The following GRAMD4 variants were observed in gnomAD, a reference collection of about 807,000 sequenced individuals.
GRAMD4 encodes the protein GRAM domain containing 4.
In GRAMD4, 25 loss-of-function variants were observed where a neutral mutation model predicts 83.9. The observed-to-expected ratio is 0.30, with a 90% confidence interval of 0.22 to 0.42. The LOEUF (loss-of-function observed/expected upper bound fraction) is 0.42, where lower values mean the gene tolerates loss of function less well. Among genes scored for constraint, GRAMD4 ranks in the 10% least tolerant of loss-of-function variants. The probability of loss-of-function intolerance (pLI) is 1.00; values close to 1 mark genes in which losing one functional copy is unlikely to be tolerated. For synonymous variants in GRAMD4, 336 were observed against 320.9 expected (o/e 1.05, Z -0.50); for missense variants, 593 against 788.7 (o/e 0.75, Z 2.97).
At chr22:46,595,028 C>T (rs1338578831) in intron 1 of GRAMD4, among the ~76,000 whole-genome samples, 2 of 152,130 alleles carry the variant, frequency 1.3e-5, no homozygotes, top group South Asian at 2.1e-4. Flanking sequence ...CTGTCGTTCC[C>T]GCCTCCTGTG....
chr22:46,633,387 C>A (rs1409409786), intron 2 of GRAMD4, among the ~76,000 whole-genome samples: 2 of 152,244 alleles, frequency 1.3e-5, no homozygotes, highest in African/African-American at 4.8e-5. Context: ...GAGCCCCCCA[C>A]CTAATGAAGG....
chr22:46,641,560 T>C (rs543300778), intron 3 of GRAMD4, among the ~76,000 whole-genome samples: 9 of 152,320 alleles, frequency 5.9e-5, no homozygotes, highest in African/African-American at 2.2e-4. Context: ...CGTCACACTT[T>C]TTGTCCTTGG....
rs1256903317 is a variant in GRAMD4, at chr22:46,678,169, C to T, written c.*918C>T. 5 of 985,438 alleles carry T rather than the reference C, an allele frequency of 5.1e-6. No homozygotes were observed. The highest frequency in any genetic ancestry group is 3.5e-5 in the African/African-American group (2 of 57,242). The allele number at this position is 985,438 out of a possible 1,614,324, so 61.0% of individuals were successfully genotyped here. On this transcript the variant is annotated 3_prime_UTR_variant, in exon 19 of 19. Coordinates refer to ENST00000406902, the MANE Select transcript of GRAMD4 (RefSeq NM_015124.5). ...TGTCTGGCACATGGCCCCCAGGCTGCGGTTGCCTGGGTTGGTTGGGGGAGG... is the reference window on the plus strand; with the variant it reads ...TGTCTGGCACATGGCCCCCAGGCTGTGGTTGCCTGGGTTGGTTGGGGGAGG...
intron 1 of GRAMD4, among the ~76,000 whole-genome samples, chr22:46,625,718 G>A (rs1569269175): frequency 6.6e-6 from 1 of 152,270 alleles, no homozygotes; most frequent in Non-Finnish European, 1.5e-5. Flanking sequence ...TGCGTGATGG[G>A]GCTGGGGCTG....
intron 1 of GRAMD4, among the ~76,000 whole-genome samples, chr22:46,615,057 G>T (rs1301367359): frequency 2.8e-5 from 1 of 35,932 alleles, no homozygotes; most frequent in African/African-American, 1.2e-4. Context: ...GTGCGTGTAG[G>T]TTCCCCCGTG....
At chr22:46,581,222 G>T (rs920933353) in intron 1 of GRAMD4, among the ~76,000 whole-genome samples, 2 of 152,224 alleles carry the variant, frequency 1.3e-5, no homozygotes, top group African/African-American at 4.8e-5. Flanking sequence ...ACACAGGAAA[G>T]GCAGGAAGTA....
At chr22:46,654,388 G>T (rs1014052583) in intron 3 of GRAMD4, among the ~76,000 whole-genome samples, 4 of 152,234 alleles carry the variant, frequency 2.6e-5, no homozygotes, top group Admixed American at 6.5e-5. Context: ...CCCTCTCAGG[G>T]CAGGGTGTTG....
At position 46,644,996 on chromosome 22, in the gene GRAMD4, C is replaced by T. The variant is rs886976383; in HGVS notation, c.283+7036C>T. Reference sequence around the variant, plus strand: ...AACTCCTGGACTCAAGCCATCCATCCGCCTCGGCCTCTCAAAGTTTATTAC... The same window carrying T: ...AACTCCTGGACTCAAGCCATCCATCTGCCTCGGCCTCTCAAAGTTTATTAC... On this transcript the variant is annotated intron_variant, in intron 3 of 18. Coordinates refer to ENST00000406902, the MANE Select transcript of GRAMD4 (RefSeq NM_015124.5). Among the ~76,000 whole-genome samples, 4 of 147,404 alleles carry T rather than the reference C, an allele frequency of 2.7e-5. No homozygotes were observed. The East Asian group carries it at 8.2e-4, about 30-fold the overall frequency.
intron 3 of GRAMD4, among the ~76,000 whole-genome samples, chr22:46,639,985 G>T (rs539757375): frequency 8.5e-4 from 129 of 152,220 alleles, no homozygotes; most frequent in Non-Finnish European, 1.5e-3. Context: ...GGCTCTGCTG[G>T]AATTGATGGA....
intron 4 of GRAMD4, among the ~76,000 whole-genome samples, chr22:46,660,755 G>A (rs1200245911): frequency 6.6e-6 from 1 of 152,110 alleles, no homozygotes; most frequent in Non-Finnish European, 1.5e-5. Context: ...TCTTCTCAGG[G>A]TTTACTCCTC....
intron 6 of GRAMD4, among the ~76,000 whole-genome samples, chr22:46,663,597 G>C (rs1028792782): frequency 6.6e-6 from 1 of 152,240 alleles, no homozygotes; most frequent in Non-Finnish European, 1.5e-5. Flanking sequence ...CAGGAGATGA[G>C]GGGACGATTT....
intron 18 of GRAMD4, among the ~76,000 whole-genome samples, 196 bp downstream of exon 18, chr22:46,676,864 C>T (rs367849657): frequency 4.6e-5 from 7 of 152,188 alleles, no homozygotes; most frequent in East Asian, 1.9e-4. Context: ...CTGGGGCCAT[C>T]GAGTCACCGG....
At chr22:46,649,223 C>T (rs1000623483) in intron 3 of GRAMD4, among the ~76,000 whole-genome samples, 3 of 152,220 alleles carry the variant, frequency 2.0e-5, no homozygotes, top group African/African-American at 7.2e-5. Flanking sequence ...CCCTAGCCCA[C>T]ACTCAGCAGG....
rs781676756 is a variant in GRAMD4 at position 46,668,742 on chromosome 22, GC to G, written c.974+16del. On this transcript the variant is annotated intron_variant, in intron 12 of 18. Coordinates refer to ENST00000406902, the MANE Select transcript of GRAMD4 (RefSeq NM_015124.5). ...TGGAGAAGATCAAGAAGTAAGTCCC[GC>G]CCCCCACCCCGGCCCTGCGGCGCCC... is the stretch of plus-strand genomic sequence containing the variant. The G allele has an allele frequency of 4.4e-6, 7 of 1,581,354 alleles. No homozygotes were observed. The highest frequency in any genetic ancestry group is 1.1e-5 in the South Asian group (1 of 90,074).
intron 3 of GRAMD4, among the ~76,000 whole-genome samples, chr22:46,654,664 G>T (rs955346731): frequency 6.6e-6 from 1 of 152,204 alleles, no homozygotes; most frequent in Non-Finnish European, 1.5e-5. Flanking sequence ...TGCACGGCCC[G>T]CTGGTCAGCA....
At chr22:46,662,427 G>C (rs1043529418) in intron 5 of GRAMD4, among the ~76,000 whole-genome samples, 6 of 152,250 alleles carry the variant, frequency 3.9e-5, no homozygotes, top group African/African-American at 4.8e-5. Context: ...CCCCCCTTCC[G>C]AGGGATTCTT....
At chr22:46,598,912 A>G (rs2081286457) in intron 1 of GRAMD4, among the ~76,000 whole-genome samples, 1 of 152,106 alleles carries the variant, frequency 6.6e-6, no homozygotes, top group Non-Finnish European at 1.5e-5. Flanking sequence ...AGGGTAACAC[A>G]GGAGACAGGA....
At chr22:46,623,091 A>G (rs529392423) in intron 1 of GRAMD4, among the ~76,000 whole-genome samples, 64 of 152,060 alleles carry the variant, frequency 4.2e-4, no homozygotes, top group African/African-American at 1.4e-3. Flanking sequence ...ATAGCGCCCG[A>G]GTCTCTTCAC....
Position 46,676,688 on chromosome 22 carries a change from C to G in GRAMD4, c.1632+20C>G, listed in dbSNP as rs751403893. On this transcript the variant is annotated intron_variant, in intron 18 of 18. Coordinates refer to ENST00000406902, the MANE Select transcript of GRAMD4 (RefSeq NM_015124.5). The stretch of plus-strand genomic sequence containing the variant: ...CAGAAAGTAGGTGCCGGGCGGGGGG[C>G]CGCCAAGGGGTTGGTGTGGGCCCAG... 55 of 1,545,580 alleles carry G rather than the reference C, an allele frequency of 3.6e-5. No homozygotes were observed. In the African/African-American group the frequency reaches 4.5e-4, roughly 13 times the overall value.
Sources: allele counts gnomAD v4.1 joint callset (sites outside exome capture counted in the v4.1 genomes callset), GRCh38; gene constraint gnomAD v4.1.1; transcripts MANE v1.5; gene names NCBI Gene and HGNC (gene_info 2026-07-23, HGNC 2026-07-21).